The following CAP2 variants were observed in gnomAD, a reference collection of about 807,000 sequenced individuals.
CAP2 encodes cyclase associated actin cytoskeleton regulatory protein 2.
Under a neutral mutation model 57.7 loss-of-function variants are expected in CAP2, and 24 were observed. That is an observed-to-expected ratio of 0.42 (90% CI 0.30 to 0.58). The LOEUF is 0.58. Ranked by LOEUF, CAP2 falls within the 20% of genes least tolerant of loss-of-function variation. The pLI is 0.22. For missense variants in CAP2, 501 were observed against 590.3 expected, an observed-to-expected ratio of 0.85 and a Z score of 1.57; for synonymous variants, 194 against 207.2, an observed-to-expected ratio of 0.94 and a Z score of 0.55.
chr6:17,523,764 C>G (rs1242168291), intron 7 of CAP2, among the ~76,000 whole-genome samples: 2 of 152,148 alleles, frequency 1.3e-5, no homozygotes, highest in East Asian at 3.9e-4. Context: ...AGAGCAGTTT[C>G]TGGAGGACTG....
At chr6:17,403,071 A>G (rs958367794) in intron 1 of CAP2, among the ~76,000 whole-genome samples, 4 of 152,142 alleles carry the variant, frequency 2.6e-5, no homozygotes, top group African/African-American at 7.2e-5. Flanking sequence ...TTGATGCTCA[A>G]CATTGACCCA....
chr6:17,518,241 GTA>G (rs2113672262), intron 7 of CAP2, among the ~76,000 whole-genome samples: 1 of 152,074 alleles, frequency 6.6e-6, no homozygotes, highest in African/African-American at 2.4e-5. Flanking sequence ...CTATTAAAAA[GTA>G]TATTATAACA....
In CAP2 at chr6:17,401,519, T is replaced by C. The variant is rs140653889; in HGVS notation, c.-2+7773T>C. On this transcript the variant is annotated intron_variant, in intron 1 of 12. Transcript: ENST00000229922. Reference sequence around the variant, plus strand: ...CCATCGAATGTATACTGTCCTGGTATTGCTACTCACCCCTCTCCAGTGGCA... The same window carrying C: ...CCATCGAATGTATACTGTCCTGGTACTGCTACTCACCCCTCTCCAGTGGCA... Among the ~76,000 whole-genome samples the C allele has an allele frequency of 7.2e-5, 11 of 152,318 alleles. No homozygotes were observed. The East Asian group carries it at 2.1e-3, about 29-fold the overall frequency.
chr6:17,496,029 G>GCAGGGC (rs1554127011), intron 4 of CAP2, among the ~76,000 whole-genome samples: 2 of 125,750 alleles, frequency 1.6e-5, no homozygotes, highest in African/African-American at 6.2e-5. Context: ...TGTGTGGGTG[G>GCAGGGC]GGGGGGGGGG....
chr6:17,488,375 T>G (rs1761471464), intron 4 of CAP2, among the ~76,000 whole-genome samples: 1 of 152,222 alleles, frequency 6.6e-6, no homozygotes. Context: ...TCCTACCTGG[T>G]GCAACCCACA....
intron 3 of CAP2, among the ~76,000 whole-genome samples, chr6:17,435,681 T>TAAAA (rs71002211): frequency 1.8e-3 from 122 of 67,378 alleles, no homozygotes; most frequent in Non-Finnish European, 2.3e-3. Flanking sequence ...TAGAGTATAA[T>TAAAA]AAAAAAAAAA....
chr6:17,489,380 C>A (rs778374275), intron 4 of CAP2, among the ~76,000 whole-genome samples: 1 of 152,110 alleles, frequency 6.6e-6, no homozygotes, highest in East Asian at 1.9e-4. Context: ...TGCAGTGAGC[C>A]GAGATCATGC....
rs1763345514 is a variant in CAP2 at position 17,557,638 on chromosome 6, C to G, written c.*1196C>G. On this transcript the variant is annotated 3_prime_UTR_variant, in exon 13 of 13. Transcript: ENST00000229922. Reference sequence around the variant, plus strand: ...CCATTTTTTAAATATCTTCTATATCCATATAGTATTCAAATTATTAATGCT... The same window carrying G: ...CCATTTTTTAAATATCTTCTATATCGATATAGTATTCAAATTATTAATGCT... The G allele has an allele frequency of 6.6e-6, 1 of 152,096 alleles. No individual in the cohort carries two copies. Among genetic ancestry groups the G allele is most frequent in the Non-Finnish European group, 1.5e-5 (1 of 68,026 alleles). The allele number at this position is 152,096 out of a possible 1,614,324, so 9.4% of individuals were successfully genotyped here.
intron 3 of CAP2, among the ~76,000 whole-genome samples, chr6:17,447,695 A>G (rs532067708): frequency 7.2e-5 from 11 of 152,172 alleles, no homozygotes; most frequent in Non-Finnish European, 1.6e-4. Context: ...ACTGGGTTTC[A>G]CCATGTTGGC....
chr6:17,528,379 A>G (rs1762560316), intron 7 of CAP2, among the ~76,000 whole-genome samples: 1 of 152,238 alleles, frequency 6.6e-6, no homozygotes, highest in Non-Finnish European at 1.5e-5. Flanking sequence ...ACTAATATAG[A>G]CAGCACATGT....
intron 1 of CAP2, among the ~76,000 whole-genome samples, chr6:17,408,215 T>C (rs1341027585): frequency 6.6e-6 from 1 of 152,202 alleles, no homozygotes; most frequent in Non-Finnish European, 1.5e-5. Flanking sequence ...GGTAAAGGCC[T>C]CAGGCTGCTT....
intron 3 of CAP2, 70 bp downstream of exon 3, chr6:17,426,760 C>A: frequency 1.0e-6 from 1 of 968,210 alleles, no homozygotes; most frequent in Non-Finnish European, 1.7e-6. Context: ...ACAACGCTAA[C>A]AGCCTGAGGA....
At chr6:17,551,695 A>T in intron 12 of CAP2, 91 bp downstream of exon 12, 1 of 995,670 alleles carries the variant, frequency 1.0e-6, no homozygotes, top group Admixed American at 2.3e-5. Flanking sequence ...CCAACCTGCG[A>T]GCTTTATTTG....
At chr6:17,495,796 AG>A (rs1307167815) in intron 4 of CAP2, among the ~76,000 whole-genome samples, 2 of 152,014 alleles carry the variant, frequency 1.3e-5, no homozygotes, top group South Asian at 2.1e-4. Context: ...ACACAAGTTT[AG>A]GTGTGTGAAA....
chr6:17,447,254 A>G (rs1031523893), intron 3 of CAP2, among the ~76,000 whole-genome samples: 1 of 152,034 alleles, frequency 6.6e-6, no homozygotes, highest in African/African-American at 2.4e-5. Flanking sequence ...TCCTGGTCTC[A>G]AGCAGTCCTC....
At chr6:17,532,762 C>A (rs201639731) in intron 7 of CAP2, among the ~76,000 whole-genome samples, 231 of 133,818 alleles carry the variant, frequency 1.7e-3, no homozygotes, top group East Asian at 0.013. Context: ...CACACACACA[C>A]AAAAAAAACT....
chr6:17,441,026 T>G, intron 3 of CAP2, among the ~76,000 whole-genome samples: 1 of 151,598 alleles, frequency 6.6e-6, no homozygotes, highest in Non-Finnish European at 1.5e-5. Flanking sequence ...CTGCATAGTA[T>G]TCCATGGTGT....
At chr6:17,506,011 G>A (rs1242998167) in intron 4 of CAP2, among the ~76,000 whole-genome samples, 1 of 152,056 alleles carries the variant, frequency 6.6e-6, no homozygotes, top group East Asian at 1.9e-4. Flanking sequence ...CCCAGGATTG[G>A]AGTCTCCTGA....
chr6:17,542,684 A>G (rs1762933182), intron 9 of CAP2, among the ~76,000 whole-genome samples, 153 bp from the exon 10 acceptor site: 1 of 152,196 alleles, frequency 6.6e-6, no homozygotes, highest in African/African-American at 2.4e-5. Flanking sequence ...TAACAATGAC[A>G]GAGTAAGACC....
Sources: gnomAD v4.1 joint callset for allele counts (sites outside exome capture counted in the v4.1 genomes callset) on GRCh38, gnomAD v4.1.1 for gene constraint, MANE v1.5 for transcripts, NCBI Gene and HGNC (gene_info 2026-07-23, HGNC 2026-07-21) for gene names.